Variants in CYP46A1 observed in about 807,000 individuals in gnomAD.
CYP46A1 encodes the protein cytochrome P450 family 46 subfamily A member 1.
CYP46A1 carries 20 observed loss-of-function variants against 63.3 expected under a neutral mutation model. The observed-to-expected ratio is 0.32, with a 90% CI of 0.22 to 0.46. The LOEUF is 0.46. Ranked by LOEUF, CYP46A1 falls within the 20% of genes least tolerant of loss-of-function variation. CYP46A1 has a pLI of 1.00. For synonymous variants in CYP46A1, 268 were observed against 273.6 expected (o/e 0.98, Z 0.20); for missense variants, 445 against 670.8 (o/e 0.66, Z 3.72).
At chr14:99,700,245 G>A in intron 5 of CYP46A1, 144 bp downstream of exon 5, 2 of 460,630 alleles carry the variant, frequency 4.3e-6, no homozygotes, top group Non-Finnish European at 7.5e-6. Flanking sequence ...GGGAAAGACA[G>A]GGTGTTAATA....
chr14:99,714,285 G>T lies in CYP46A1; in HGVS notation c.694-1525G>T, dbSNP rs550144939. On this transcript the variant is annotated intron_variant, in intron 7 of 14. Transcript: ENST00000261835. ...GCATTGTTGGCAGGGATGTAAATTT[G>T]TATAGCCATTATGGAAAACAGTGTG... Among the ~76,000 whole-genome samples the T allele has an allele frequency of 2.6e-5, 4 of 152,304 alleles. No homozygotes were observed. The East Asian group carries it at 7.7e-4, about 29-fold the overall frequency.
At chr14:99,693,928 A>G (rs938131469) in intron 3 of CYP46A1, among the ~76,000 whole-genome samples, 2 of 152,180 alleles carry the variant, frequency 1.3e-5, no homozygotes, top group Admixed American at 6.5e-5. Context: ...ATCCATCTCC[A>G]GAACTTTTTC....
chr14:99,686,680 T>C (rs2056497204), intron 1 of CYP46A1, among the ~76,000 whole-genome samples: 1 of 152,216 alleles, frequency 6.6e-6, no homozygotes, highest in African/African-American at 2.4e-5. Context: ...TGTATCCTTA[T>C]TGCTTTCCTT....
intron 7 of CYP46A1, among the ~76,000 whole-genome samples, chr14:99,715,445 C>T (rs977203659): frequency 9.9e-5 from 15 of 152,282 alleles, no homozygotes; most frequent in South Asian, 2.1e-4. Context: ...CCGCCAATGC[C>T]GCCCCGTCTT....
chr14:99,684,512 A>G lies in CYP46A1; in HGVS notation c.95A>G (p.His32Arg). 6.8e-7 allele frequency: 1 copy of G among 1,476,556 alleles called. No individual in the cohort carries two copies. The allele number at this position is 1,476,556 out of a possible 1,614,324, so 91.5% of individuals were successfully genotyped here. ...CACCGCGCTCGCAGCCGCTACGAGC[A>G]CATCCCCGGGCCGCCGCGGCCCAGG... Reference protein sequence around the residue: ...FVHRARSRYEHIPGPPRPSFL... With the variant: ...FVHRARSRYERIPGPPRPSFL... The change falls in exon 1 of 15, where the codon CAC (histidine) becomes CGC (arginine). Residue 32 changes from histidine (H) to arginine (R), a missense_variant. By Grantham distance (29) the His-to-Arg change is conservative (BLOSUM62 0). Coordinates refer to ENST00000261835, the MANE Select transcript of CYP46A1 (RefSeq NM_006668.2).
rs10600179 is a variant in CYP46A1, at chr14:99,722,644, C to CGT, written c.1176+612_1176+613dup. Among the ~76,000 whole-genome samples the CGT allele has an allele frequency of 0.031, 4,364 of 142,198 alleles. 79 individuals carry two copies. The highest frequency in any genetic ancestry group is 0.037 in the Non-Finnish European group (2,413 of 65,342). 93.3% of individuals were successfully genotyped at this position (142,198 alleles called of 152,430 possible). On this transcript the variant is annotated intron_variant, in intron 12 of 14. Transcript: ENST00000261835. This position sits in a 1 kb window ranked among gnomAD's most constrained non-coding sequence, Gnocchi z 4.6. Reference sequence around the variant, plus strand: ...ATCTGAATTGTGTGTTTGCCATTCCCGTGTGTGTGTGTGTGTGTGTGTGTG... The same window carrying CGT: ...ATCTGAATTGTGTGTTTGCCATTCCCGTGTGTGTGTGTGTGTGTGTGTGTGTG...
Position 99,684,373 on chromosome 14 carries a change from C to G in CYP46A1, c.-45C>G. 1 of 1,217,000 alleles carries G rather than the reference C, an allele frequency of 8.2e-7. No homozygotes were observed. The highest frequency in any genetic ancestry group is 1.0e-6 in the Non-Finnish European group (1 of 966,024). 75.4% of individuals were successfully genotyped at this position (1,217,000 alleles called of 1,614,324 possible). A position where few individuals can be genotyped will look rare whatever the true frequency, so the allele number is the denominator to read the frequency against. On this transcript the variant is annotated 5_prime_UTR_variant, in exon 1 of 15. Transcript: ENST00000261835. ...TCGGCTCGCGGCCTCCCGGCCCCCT[C>G]GGCGCCCGGCCCGACCCTGGCCTGG... is the stretch of plus-strand genomic sequence containing the variant.
chr14:99,704,621 C>T (rs2056659552), intron 5 of CYP46A1, among the ~76,000 whole-genome samples: 1 of 152,124 alleles, frequency 6.6e-6, no homozygotes, highest in South Asian at 2.1e-4. Context: ...ACAATAGCTG[C>T]AAGAGATTCA....
intron 5 of CYP46A1, among the ~76,000 whole-genome samples, chr14:99,700,927 G>A (rs751920341): frequency 6.6e-6 from 1 of 152,202 alleles, no homozygotes; most frequent in Non-Finnish European, 1.5e-5. Context: ...TGCGGAGGTG[G>A]AAGGCAGTGA....
At position 99,707,560 on chromosome 14, in the gene CYP46A1, T is replaced by C; in HGVS notation, c.583-8T>C. On this transcript the variant is annotated splice_region_variant and splice_polypyrimidine_tract_variant and intron_variant, in intron 6 of 14. Coordinates refer to ENST00000261835, the MANE Select transcript of CYP46A1 (RefSeq NM_006668.2). ...CCAGGGATGACCTTGCCCTTCTCTCTCCCCCAGGCAGCTTTTGGGATGGAG... is the reference window on the plus strand; with the variant it reads ...CCAGGGATGACCTTGCCCTTCTCTCCCCCCCAGGCAGCTTTTGGGATGGAG... The C allele has an allele frequency of 2.5e-6, 4 of 1,613,214 alleles. No individual in the cohort carries two copies. Among genetic ancestry groups the C allele is most frequent in the Non-Finnish European group, 3.4e-6 (4 of 1,179,360 alleles).
intron 4 of CYP46A1, 64 bp from the exon 5 acceptor site, chr14:99,699,951 C>A: frequency 9.5e-7 from 1 of 1,056,234 alleles, no homozygotes; most frequent in Non-Finnish European, 1.4e-6. Flanking sequence ...TGACCCCAAG[C>A]CCATCAAGCA....
In CYP46A1 at chr14:99,718,719, G is replaced by A. The variant is rs372778158; in HGVS notation, c.980+593G>A. Among the ~76,000 whole-genome samples, 114 of 152,264 alleles carry A rather than the reference G, an allele frequency of 7.5e-4. 3 individuals carry two copies. In the South Asian group the frequency reaches 0.014, roughly 19 times the overall value. On this transcript the variant is annotated intron_variant, in intron 10 of 14. Coordinates refer to ENST00000261835, the MANE Select transcript of CYP46A1 (RefSeq NM_006668.2). ...CTCTCTGAATGCACCAACAGGCTGG[G>A]TGGGAGCTCTGGGGAGGTGGGGTCA...
At chr14:99,696,763 G>A (rs903354914) in intron 3 of CYP46A1, among the ~76,000 whole-genome samples, 4 of 152,104 alleles carry the variant, frequency 2.6e-5, no homozygotes, top group African/African-American at 7.2e-5. Flanking sequence ...CCTGCTTTGT[G>A]GCATGTCTAA....
rs761270959 is a variant in CYP46A1, at chr14:99,726,545, C to T, written c.1333-12C>T. The T allele has an allele frequency of 7.2e-5, 113 of 1,558,960 alleles. No individual in the cohort carries two copies. Among genetic ancestry groups the T allele is most frequent in the Middle Eastern group, 2.3e-4 (1 of 4,358 alleles). On this transcript the variant is annotated splice_polypyrimidine_tract_variant and intron_variant, in intron 14 of 14. Coordinates refer to ENST00000261835, the MANE Select transcript of CYP46A1 (RefSeq NM_006668.2). ...TCCTTCATTCCTTCCTCATTTTGCC[C>T]GCTGGGCCCAGATGGAGGTGAAGGT...
In CYP46A1 at chr14:99,726,697, G is replaced by T. The variant is rs764272389; in HGVS notation, c.1473G>T (p.Trp491Cys). The T allele has an allele frequency of 3.6e-5, 55 of 1,542,614 alleles. 1 individual carries two copies. The East Asian group carries it at 1.2e-3, about 33-fold the overall frequency. Residue 491 changes from tryptophan (W) to cysteine (C), a missense_variant, in exon 15 of 15, where the codon TGG becomes TGT. By Grantham distance (215) the Trp-to-Cys change is radical (BLOSUM62 -2). Transcript: ENST00000261835. Reference protein sequence around the residue: ...PVLCTLRPRGWQPAPPPPPC With the variant: ...PVLCTLRPRGCQPAPPPPPC The stretch of plus-strand genomic sequence containing the variant: ...TGTGCACCCTGCGGCCCCGCGGCTG[G>T]CAGCCCGCACCCCCACCACCCCCCT...
intron 1 of CYP46A1, 113 bp downstream of exon 1, chr14:99,684,649 G>T (rs1220680830): frequency 1.1e-6 from 1 of 884,624 alleles, no homozygotes; most frequent in Non-Finnish European, 1.8e-6. Context: ...GCGCGCGGCC[G>T]CTGGGAGTCG....
At chr14:99,698,372 A>G (rs568316740) in intron 3 of CYP46A1, among the ~76,000 whole-genome samples, 1 of 152,134 alleles carries the variant, frequency 6.6e-6, no homozygotes, top group African/African-American at 2.4e-5. Flanking sequence ...TGTGTCTACC[A>G]TTTACTATGT....
intron 1 of CYP46A1, 156 bp downstream of exon 1, chr14:99,684,692 T>C (rs1566823600): frequency 1.4e-6 from 1 of 689,938 alleles, no homozygotes; most frequent in Non-Finnish European, 2.6e-6. Flanking sequence ...CTATTCTTAG[T>C]AACAAATTAC....
intron 10 of CYP46A1, 87 bp downstream of exon 10, chr14:99,718,213 G>A (rs1856213438): frequency 2.6e-6 from 3 of 1,172,182 alleles, no homozygotes; most frequent in Non-Finnish European, 3.8e-6. Context: ...CCATGGTTGA[G>A]TCCCCTCAAC....
Sources: gnomAD v4.1 joint callset for allele counts (sites outside exome capture counted in the v4.1 genomes callset) on GRCh38, gnomAD v4.1.1 for gene constraint, Gnocchi (gnomAD v3.1) non-coding constraint, MANE v1.5 for transcripts, NCBI Gene and HGNC (gene_info 2026-07-23, HGNC 2026-07-21) for gene names.